Variants in MSRA observed in about 807,000 individuals in gnomAD.
MSRA encodes methionine sulfoxide reductase A.
In MSRA, 54 loss-of-function variants were observed where a neutral mutation model predicts 31.3. That is an observed-to-expected ratio of 1.73 (90% confidence interval 1.39 to 2.17). MSRA has a LOEUF of 2.17. Ranked by LOEUF, MSRA falls within the 30% of genes most tolerant of loss-of-function variation. MSRA has a pLI of 0.00. For synonymous variants in MSRA, 169 were observed against 116.5 expected, an observed-to-expected ratio of 1.45 and a Z score of -2.90; for missense variants, 507 against 300.9, an observed-to-expected ratio of 1.69 and a Z score of -5.07.
chr8:10,333,370 A>G (rs140784338), intron 5 of MSRA, among the ~76,000 whole-genome samples: 6 of 152,310 alleles, frequency 3.9e-5, no homozygotes, highest in African/African-American at 9.6e-5. Context: ...GAAGCCCACA[A>G]TTTCCTGAAG....
chr8:10,353,124 G>T (rs1458514509), intron 5 of MSRA, among the ~76,000 whole-genome samples: 1 of 152,110 alleles, frequency 6.6e-6, no homozygotes, highest in African/African-American at 2.4e-5. Flanking sequence ...CCACAGACAG[G>T]CGTGTGCACA....
rs373960775 is a variant in MSRA, at chr8:10,210,897, C to CT, written c.211+3008dup. On this transcript the variant is annotated intron_variant, in intron 2 of 5. Transcript: ENST00000317173. ...TACAGGTGTGCATCACCACGCTCAC[C>CT]TTTTTTTTTTTTATTTTTAGTAGAG... 2.6e-3 allele frequency among the ~76,000 whole-genome samples: 384 copies of CT among 145,374 alleles called. 3 individuals are homozygous for CT. The highest frequency in any genetic ancestry group is 7.0e-3 in the African/African-American group (280 of 39,758).
intron 3 of MSRA, among the ~76,000 whole-genome samples, chr8:10,299,850 T>C (rs1370342425): frequency 6.6e-6 from 1 of 152,222 alleles, no homozygotes; most frequent in African/African-American, 2.4e-5. Context: ...TAAAAATGTT[T>C]AGAAACATTG....
intron 1 of MSRA, among the ~76,000 whole-genome samples, chr8:10,100,533 G>C (rs924497959): frequency 1.3e-5 from 2 of 152,096 alleles, no homozygotes; most frequent in South Asian, 2.1e-4. Flanking sequence ...TAGGGGGCTA[G>C]GGGATGTGAT....
intron 5 of MSRA, among the ~76,000 whole-genome samples, chr8:10,357,886 A>G (rs1804601595): frequency 6.6e-6 from 1 of 152,218 alleles, no homozygotes; most frequent in African/African-American, 2.4e-5. Flanking sequence ...AACTACTTTT[A>G]TATTGCATTT....
At chr8:10,403,306 C>T (rs542640864) in intron 5 of MSRA, among the ~76,000 whole-genome samples, 1 of 152,308 alleles carries the variant, frequency 6.6e-6, no homozygotes, top group African/African-American at 2.4e-5. Flanking sequence ...AGAAAAATGA[C>T]ATCAACCCAG....
intron 1 of MSRA, among the ~76,000 whole-genome samples, chr8:10,159,995 TA>T (rs1804496554): frequency 6.6e-6 from 1 of 152,218 alleles, no homozygotes; most frequent in African/African-American, 2.4e-5. Context: ...ATGAAATCTT[TA>T]AAAAACCCTT....
intron 1 of MSRA, among the ~76,000 whole-genome samples, chr8:10,146,830 G>A (rs1803185649): frequency 6.6e-6 from 1 of 152,218 alleles, no homozygotes; most frequent in South Asian, 2.1e-4. Context: ...GCTGGAAGGA[G>A]AGGTGGGGCT....
chr8:10,366,866 G>T (rs562175151), intron 5 of MSRA, among the ~76,000 whole-genome samples: 1 of 152,262 alleles, frequency 6.6e-6, no homozygotes, highest in South Asian at 2.1e-4. Context: ...ACCCAAGGCT[G>T]CCAGACCACG....
chr8:10,407,920 CT>C (rs1358915772), intron 5 of MSRA, among the ~76,000 whole-genome samples: 1 of 152,206 alleles, frequency 6.6e-6, no homozygotes, highest in African/African-American at 2.4e-5. Context: ...TCACATCAAT[CT>C]TTAAGCTACA....
In MSRA at chr8:10,334,158, A is replaced by G. The variant is rs1435502777; in HGVS notation, c.543+14169A>G. On this transcript the variant is annotated intron_variant, in intron 5 of 5. Coordinates refer to ENST00000317173, the MANE Select transcript of MSRA (RefSeq NM_012331.5). The stretch of plus-strand genomic sequence containing the variant: ...ATCATCTCTTATCTTACCAACTAAC[A>G]TATAGGGGTGTGTGTGTGTGTGTGT... Among the ~76,000 whole-genome samples, 7 of 149,142 alleles carry G rather than the reference A, an allele frequency of 4.7e-5. No homozygotes were observed. In the East Asian group the frequency reaches 1.4e-3, roughly 30 times the overall value.
intron 5 of MSRA, among the ~76,000 whole-genome samples, chr8:10,394,196 G>T (rs1366060898): frequency 6.6e-6 from 1 of 152,098 alleles, no homozygotes; most frequent in African/African-American, 2.4e-5. Context: ...AACCAAAAGG[G>T]GCCATTCAAT....
At chr8:10,185,507 G>GA (rs35959348) in intron 1 of MSRA, among the ~76,000 whole-genome samples, 1 of 151,604 alleles carries the variant, frequency 6.6e-6, no homozygotes, top group Admixed American at 6.6e-5. Flanking sequence ...AATCAGCTCT[G>GA]GGCACAGCTT....
chr8:10,409,837 G>A (rs1245517733), intron 5 of MSRA, among the ~76,000 whole-genome samples: 2 of 152,206 alleles, frequency 1.3e-5, no homozygotes, highest in African/African-American at 4.8e-5. Flanking sequence ...TGAGGTGGGA[G>A]GATCACTTAA....
Position 10,316,527 on chromosome 8 carries a change from CCTCTCTCTCTCTCTCT to C in MSRA, c.437-3324_437-3309del, listed in dbSNP as rs139421344. Among the ~76,000 whole-genome samples, 205 of 112,632 alleles carry C rather than the reference CCTCTCTCTCTCTCTCT, an allele frequency of 1.8e-3. 3 individuals carry two copies. In the Middle Eastern group the frequency reaches 0.034, roughly 19 times the overall value. 73.9% of individuals were successfully genotyped at this position (112,632 alleles called of 152,430 possible). ...AGGATTGTTAGCTACTTTGATGATC[CCTCTCTCTCTCTCTCT>C]CTCTCTCTCTCTCTCTCTCTCTCTC... On this transcript the variant is annotated intron_variant, in intron 4 of 5. Transcript: ENST00000317173.
chr8:10,253,813 T>C (rs1013735351), intron 3 of MSRA, among the ~76,000 whole-genome samples: 1 of 152,188 alleles, frequency 6.6e-6, no homozygotes, highest in Non-Finnish European at 1.5e-5. Context: ...TACTTCATAA[T>C]GACTGACAAT....
At chr8:10,172,554 A>C (rs1262427100) in intron 1 of MSRA, among the ~76,000 whole-genome samples, 1 of 152,180 alleles carries the variant, frequency 6.6e-6, no homozygotes, top group Non-Finnish European at 1.5e-5. Flanking sequence ...CAATTAGACC[A>C]GTAATGGAGG....
intron 5 of MSRA, among the ~76,000 whole-genome samples, chr8:10,378,069 C>T (rs139949409): frequency 2.0e-5 from 3 of 152,160 alleles, no homozygotes; most frequent in Non-Finnish European, 2.9e-5. Context: ...ATCAGTGGCT[C>T]GACATTGGCA....
intron 3 of MSRA, among the ~76,000 whole-genome samples, chr8:10,288,672 T>A (rs1317723985): frequency 6.6e-6 from 1 of 152,146 alleles, no homozygotes; most frequent in Non-Finnish European, 1.5e-5. Flanking sequence ...AGTTCTTAGT[T>A]CCATTTTTTA....
Sources: allele counts gnomAD v4.1 joint callset (sites outside exome capture counted in the v4.1 genomes callset), GRCh38; gene constraint gnomAD v4.1.1; transcripts MANE v1.5; gene names NCBI Gene and HGNC (gene_info 2026-07-23, HGNC 2026-07-21).